The following GRIA1 variants were observed in gnomAD, a reference collection of about 807,000 sequenced individuals.
The protein encoded by GRIA1 is glutamate ionotropic receptor AMPA type subunit 1.
GRIA1 carries 31 observed loss-of-function variants against 99.2 expected under a neutral mutation model. That is an observed-to-expected ratio of 0.31 (90% CI 0.23 to 0.42). The LOEUF (loss-of-function observed/expected upper bound fraction) is 0.42, where lower values mean the gene tolerates loss of function less well. Among genes scored for constraint, GRIA1 ranks in the 10% least tolerant of loss-of-function variants. The probability of loss-of-function intolerance (pLI) is 1.00; values close to 1 mark genes in which losing one functional copy is unlikely to be tolerated. For synonymous variants in GRIA1, 438 were observed against 432.4 expected, an observed-to-expected ratio of 1.01 and a Z score of -0.16; for missense variants, 782 against 1,157.5, an observed-to-expected ratio of 0.68 and a Z score of 4.71.
chr5:153,491,181 G>A (rs1380454246), intron 1 of GRIA1: 3 of 1,101,404 alleles, frequency 2.7e-6, no homozygotes, highest in South Asian at 1.7e-5. Context: ...GTTCACACAC[G>A]CACACATACC....
chr5:153,811,479 G>T lies in GRIA1; in HGVS notation c.*254G>T. On this transcript the variant is annotated 3_prime_UTR_variant, in exon 16 of 16. Coordinates refer to ENST00000285900, the MANE Select transcript of GRIA1 (RefSeq NM_000827.4). Reference sequence around the variant, plus strand: ...AAAATAACACTGTACTGCAATAAGGGGAGAGTAACCCTGTCTAATGAAACC... The same window carrying T: ...AAAATAACACTGTACTGCAATAAGGTGAGAGTAACCCTGTCTAATGAAACC... 2.3e-6 allele frequency: 1 copy of T among 440,864 alleles called. No individual in the cohort carries two copies. Among genetic ancestry groups the T allele is most frequent in the East Asian group, 4.6e-5 (1 of 21,812 alleles). 27.3% of individuals were successfully genotyped at this position (440,864 alleles called of 1,614,324 possible).
intron 10 of GRIA1, among the ~76,000 whole-genome samples, chr5:153,701,271 A>T (rs972132253): frequency 6.6e-6 from 1 of 152,150 alleles, no homozygotes; most frequent in Non-Finnish European, 1.5e-5. Context: ...CTCAGCAGCC[A>T]GGCCTGCCTC....
chr5:153,720,175 A>G (rs1210549715), intron 11 of GRIA1, among the ~76,000 whole-genome samples: 1 of 152,238 alleles, frequency 6.6e-6, no homozygotes, highest in Admixed American at 6.5e-5. Flanking sequence ...AAGTTCACAT[A>G]GCCGGTAAAG....
intron 6 of GRIA1, among the ~76,000 whole-genome samples, chr5:153,676,206 T>C (rs980991656): frequency 6.6e-5 from 10 of 152,198 alleles, no homozygotes; most frequent in African/African-American, 2.4e-4. Context: ...TTTAAAAAAT[T>C]AGAAAAATAC....
chr5:153,571,382 C>A (rs1291219764), intron 2 of GRIA1, among the ~76,000 whole-genome samples: 1 of 152,132 alleles, frequency 6.6e-6, no homozygotes, highest in African/African-American at 2.4e-5. Flanking sequence ...ATTTTAGGCA[C>A]TGTCTGTCCC....
At chr5:153,539,559 A>G (rs983649596) in intron 2 of GRIA1, among the ~76,000 whole-genome samples, 7 of 152,200 alleles carry the variant, frequency 4.6e-5, no homozygotes, top group African/African-American at 1.7e-4. Flanking sequence ...TGGCTAGCTC[A>G]CCTTCTTGTA....
chr5:153,621,306 G>A (rs1290086931), intron 2 of GRIA1, among the ~76,000 whole-genome samples: 1 of 152,086 alleles, frequency 6.6e-6, no homozygotes, highest in Non-Finnish European at 1.5e-5. Flanking sequence ...CCATCTGAAA[G>A]AAATTAAGGT....
intron 13 of GRIA1, among the ~76,000 whole-genome samples, chr5:153,785,869 G>A (rs1259128462): frequency 6.6e-6 from 1 of 152,186 alleles, no homozygotes; most frequent in African/African-American, 2.4e-5. Flanking sequence ...GTCATACTAA[G>A]CAGCAATCTG....
At chr5:153,633,490 T>C (rs1305308893) in intron 2 of GRIA1, among the ~76,000 whole-genome samples, 1 of 152,136 alleles carries the variant, frequency 6.6e-6, no homozygotes, top group Non-Finnish European at 1.5e-5. Context: ...TACTTGGTAG[T>C]GAGGAGCATC....
intron 2 of GRIA1, among the ~76,000 whole-genome samples, chr5:153,599,731 G>A (rs1764731195): frequency 6.6e-6 from 1 of 152,182 alleles, no homozygotes; most frequent in African/African-American, 2.4e-5. Context: ...GTGCAAGCCC[G>A]CCAGTGAGTT....
At chr5:153,723,789 C>T (rs916779351) in intron 11 of GRIA1, among the ~76,000 whole-genome samples, 4 of 151,646 alleles carry the variant, frequency 2.6e-5, no homozygotes, top group African/African-American at 9.7e-5. Flanking sequence ...GCCTGCCTGC[C>T]TCTGTAGGCT....
chr5:153,562,551 A>G (rs1157500907), intron 2 of GRIA1, among the ~76,000 whole-genome samples: 1 of 152,222 alleles, frequency 6.6e-6, no homozygotes, highest in African/African-American at 2.4e-5. Context: ...AAATTCATGC[A>G]TGTCTTTGTA....
chr5:153,499,301 A>G (rs1485791338), intron 2 of GRIA1, among the ~76,000 whole-genome samples: 1 of 152,116 alleles, frequency 6.6e-6, no homozygotes, highest in Non-Finnish European at 1.5e-5. Flanking sequence ...CCAAAACTCA[A>G]TGAGCATTCT....
chr5:153,561,039 G>C (rs1481365465), intron 2 of GRIA1, among the ~76,000 whole-genome samples: 2 of 152,088 alleles, frequency 1.3e-5, no homozygotes, highest in African/African-American at 4.8e-5. Context: ...CAACAGTACA[G>C]GTTTCTTCAT....
At chr5:153,672,745 A>C (rs1056003881) in intron 5 of GRIA1, among the ~76,000 whole-genome samples, 2 of 152,158 alleles carry the variant, frequency 1.3e-5, no homozygotes, top group African/African-American at 4.8e-5. Context: ...CGCTGCTCTA[A>C]TTCCTTGGCT....
Position 153,705,983 on chromosome 5 carries a change from A to G in GRIA1, c.1739A>G (p.Asp580Gly). The change falls in exon 11 of 16, where the codon GAC (aspartate) becomes GGC (glycine). Residue 580 changes from aspartate to glycine, a missense_variant. This residue lies in a region of GRIA1 where 39 missense variants were observed against 43.5 expected (regional missense o/e 0.90). Transcript: ENST00000285900. ...GAAGGACGGGACCAGACAACCAGTG[A>G]CCAGTCCAATGAGTTTGGGATATTC... is the stretch of plus-strand genomic sequence containing the variant. ...FEEGRDQTTSDQSNEFGIFNS... is the reference protein window; with the variant it reads ...FEEGRDQTTSGQSNEFGIFNS... 1 of 1,613,890 alleles carries G rather than the reference A, an allele frequency of 6.2e-7. No homozygotes were observed.
At chr5:153,570,683 T>C (rs907938356) in intron 2 of GRIA1, among the ~76,000 whole-genome samples, 3 of 152,332 alleles carry the variant, frequency 2.0e-5, no homozygotes, top group African/African-American at 7.2e-5. Context: ...GCGCCTTATC[T>C]TCTCCAAGCC....
chr5:153,567,535 C>A (rs541573960), intron 2 of GRIA1, among the ~76,000 whole-genome samples: 93 of 152,178 alleles, frequency 6.1e-4, no homozygotes, highest in Non-Finnish European at 1.1e-3. Context: ...CTGACCTCTA[C>A]CCACTAGGTA....
At chr5:153,639,987 G>C (rs1388475902) in intron 2 of GRIA1, among the ~76,000 whole-genome samples, 1 of 152,244 alleles carries the variant, frequency 6.6e-6, no homozygotes, top group Non-Finnish European at 1.5e-5. Flanking sequence ...GAAGGGGCTT[G>C]TTCACAGACG....
Sources: gnomAD v4.1 joint callset for allele counts (sites outside exome capture counted in the v4.1 genomes callset) on GRCh38, gnomAD v4.1.1 for gene constraint, gnomAD v4.1.1 regional missense constraint, MANE v1.5 for transcripts, NCBI Gene and HGNC (gene_info 2026-07-23, HGNC 2026-07-21) for gene names.